The following WDR75 variants were observed in gnomAD, a reference collection of about 807,000 sequenced individuals.
WDR75 encodes the protein WD repeat domain 75.
WDR75 carries 52 observed loss-of-function variants against 106.1 expected under a neutral mutation model. The ratio of observed to expected loss-of-function variants is 0.49; its 90% CI spans 0.39 to 0.62. The LOEUF is 0.62. WDR75 is among the 20% of genes least tolerant of loss of function. The pLI, the probability that WDR75 is intolerant of heterozygous loss-of-function variation, is 0.00. For synonymous variants in WDR75, 333 were observed against 335.5 expected (o/e 0.99, Z 0.08); for missense variants, 905 against 970.3 (o/e 0.93, Z 0.89).
chr2:189,463,595 A>G, intron 9 of WDR75, 99 bp from the exon 10 acceptor site: 1 of 965,832 alleles, frequency 1.0e-6, no homozygotes, highest in Non-Finnish European at 1.6e-6. Context: ...AAGTTTATGA[A>G]TTTGTGTTAG....
In WDR75 at chr2:189,466,542, C is replaced by T; in HGVS notation, c.1407C>T (p.Tyr469=). 6.2e-7 allele frequency: 1 copy of T among 1,613,082 alleles called. No individual in the cohort carries two copies. Among genetic ancestry groups the T allele is most frequent in the Non-Finnish European group, 8.5e-7 (1 of 1,179,316 alleles). ...PTLVTASKDG[Y]FKVWILTDDS... Reference sequence around the variant, plus strand: ...TGGTTACAGCTAGCAAAGATGGTTACTTCAAAGTATGGATATTAACAGATG... The same window carrying T: ...TGGTTACAGCTAGCAAAGATGGTTATTTCAAAGTATGGATATTAACAGATG... The change falls in exon 13 of 21, where the codon TAC becomes TAT. Residue 469 remains tyrosine (Y), a synonymous_variant. Transcript: ENST00000314761.
At chr2:189,448,863 TACTTGAC>T in intron 2 of WDR75, 3 of 474,606 alleles carry the variant, frequency 6.3e-6, no homozygotes, top group Non-Finnish European at 1.3e-5. Context: ...TTCTCAAACT[TACTTGAC>T]TTGTGAACCA....
intron 9 of WDR75, 52 bp downstream of exon 9, chr2:189,462,694 T>C (rs761407070): frequency 6.5e-7 from 1 of 1,543,968 alleles, no homozygotes; most frequent in Non-Finnish European, 8.9e-7. Flanking sequence ...ATAAATTAGC[T>C]AGCATCTGTA....
intron 1 of WDR75, among the ~76,000 whole-genome samples, chr2:189,446,587 G>C (rs1686504342): frequency 6.6e-6 from 1 of 152,162 alleles, no homozygotes; most frequent in South Asian, 2.1e-4. Context: ...TGAAAATCAA[G>C]TGTCTTGAAC....
chr2:189,441,801 AT>A (rs1686372665), intron 1 of WDR75, among the ~76,000 whole-genome samples: 1 of 152,158 alleles, frequency 6.6e-6, no homozygotes. Flanking sequence ...CTGCAGGTAG[AT>A]AAAGGCCCTG....
At chr2:189,449,625 G>A in intron 2 of WDR75, 1 of 1,037,252 alleles carries the variant, frequency 9.6e-7, no homozygotes, top group Non-Finnish European at 1.2e-6. Flanking sequence ...TATCAGATTT[G>A]GTTGAGGTGC....
At chr2:189,441,639 G>A in intron 1 of WDR75, 61 bp downstream of exon 1, 2 of 1,529,046 alleles carry the variant, frequency 1.3e-6, no homozygotes, top group Non-Finnish European at 1.8e-6. Flanking sequence ...CGAGGGTCGG[G>A]GAGAAGGAAT....
At chr2:189,466,371 T>A in intron 12 of WDR75, 54 bp from the exon 13 acceptor site, 3 of 1,578,640 alleles carry the variant, frequency 1.9e-6, no homozygotes, top group Non-Finnish European at 2.6e-6. Context: ...GAAATTCTTA[T>A]ATACATCACT....
At chr2:189,462,379 T>G in intron 8 of WDR75, 105 bp from the exon 9 acceptor site, 1 of 1,263,336 alleles carries the variant, frequency 7.9e-7, no homozygotes, top group Non-Finnish European at 1.1e-6. Context: ...TTTAAATGAG[T>G]TTATTTCTCT....
chr2:189,470,332 A>C (rs1178037008), intron 17 of WDR75, 87 bp downstream of exon 17: 1 of 1,392,396 alleles, frequency 7.2e-7, no homozygotes, highest in Non-Finnish European at 9.8e-7. Context: ...GTTTGTTTCT[A>C]GGTGAAACAG....
At chr2:189,447,501 T>G (rs1686525705) in intron 1 of WDR75, among the ~76,000 whole-genome samples, 1 of 152,190 alleles carries the variant, frequency 6.6e-6, no homozygotes, top group Non-Finnish European at 1.5e-5. Context: ...ACCATGGAGA[T>G]GTTGGGGACA....
intron 1 of WDR75, among the ~76,000 whole-genome samples, chr2:189,443,497 G>A (rs1003024033): frequency 3.9e-5 from 6 of 152,134 alleles, no homozygotes; most frequent in East Asian, 3.8e-4. Flanking sequence ...AGGGGACGGC[G>A]GTAATCAGTT....
chr2:189,457,456 A>G (rs1037801799), intron 6 of WDR75, 75 bp downstream of exon 6: 33 of 948,282 alleles, frequency 3.5e-5, no homozygotes, highest in Non-Finnish European at 4.7e-5. Context: ...CCTAATACCT[A>G]TAGTCCAAAG....
chr2:189,470,002 G>A (rs533274344), intron 16 of WDR75, 74 bp from the exon 17 acceptor site: 2 of 1,341,570 alleles, frequency 1.5e-6, no homozygotes, highest in East Asian at 4.6e-5. Context: ...CAGGATTAGT[G>A]TGATCTGCCA....
intron 18 of WDR75, 70 bp from the exon 19 acceptor site, chr2:189,474,115 AC>A: frequency 6.8e-7 from 1 of 1,469,734 alleles, no homozygotes; most frequent in Non-Finnish European, 9.3e-7. Context: ...ATTCTGTAGT[AC>A]TTACTGTTAA....
chr2:189,470,477 C>CAA (rs1272544367), intron 17 of WDR75, among the ~76,000 whole-genome samples: 1 of 151,600 alleles, frequency 6.6e-6, no homozygotes, highest in Non-Finnish European at 1.5e-5. Flanking sequence ...TCTGTGACAG[C>CAA]AAAAAAGCAG....
At chr2:189,472,000 G>A (rs2105574972) in intron 18 of WDR75, among the ~76,000 whole-genome samples, 1 of 152,156 alleles carries the variant, frequency 6.6e-6, no homozygotes, top group South Asian at 2.1e-4. Context: ...TCTTGTTCTT[G>A]TTCCTTTGTC....
chr2:189,474,488 CT>C (rs1435249720), intron 19 of WDR75, among the ~76,000 whole-genome samples, 156 bp downstream of exon 19: 1 of 152,190 alleles, frequency 6.6e-6, no homozygotes, highest in African/African-American at 2.4e-5. Flanking sequence ...ACCTTGTGAT[CT>C]GGGATTGTTT....
chr2:189,466,972 CTTTG>C (rs1449516022), intron 13 of WDR75, among the ~76,000 whole-genome samples: 1 of 151,964 alleles, frequency 6.6e-6, no homozygotes, highest in Non-Finnish European at 1.5e-5. Context: ...TGTTTTGTGT[CTTTG>C]TTTCTTTTTT....
Sources: allele counts gnomAD v4.1 joint callset (sites outside exome capture counted in the v4.1 genomes callset), GRCh38; gene constraint gnomAD v4.1.1; transcripts MANE v1.5; gene names NCBI Gene and HGNC (gene_info 2026-07-23, HGNC 2026-07-21).